The following TAFA5 variants were observed in gnomAD, a reference collection of about 807,000 sequenced individuals.
The protein encoded by TAFA5 is TAFA chemokine like family member 5, also known as chemokine-like protein TAFA-5.
Under a neutral mutation model 15.3 loss-of-function variants are expected in TAFA5, and 6 were observed. The observed-to-expected ratio is 0.39, with a 90% CI of 0.21 to 0.77. TAFA5 has a LOEUF of 0.77. Among genes scored for constraint, TAFA5 ranks in the 30% least tolerant of loss-of-function variants. The pLI, the probability that TAFA5 is intolerant of heterozygous loss-of-function variation, is 0.41. For missense variants in TAFA5, 161 were observed against 193.1 expected (o/e 0.83, Z 0.98); for synonymous variants, 103 against 80.7 (o/e 1.28, Z -1.48).
At chr22:48,581,687 A>C (rs544257648) in intron 1 of TAFA5, among the ~76,000 whole-genome samples, 1 of 152,306 alleles carries the variant, frequency 6.6e-6, no homozygotes, top group African/African-American at 2.4e-5. Context: ...ATGTGTGTGC[A>C]TATGTGTGTG....
intron 3 of TAFA5, among the ~76,000 whole-genome samples, chr22:48,724,843 C>T (rs977330112): frequency 2.0e-5 from 3 of 152,234 alleles, no homozygotes; most frequent in African/African-American, 4.8e-5. Context: ...ATCCCCTGCT[C>T]GGTCCTGCAG....
At chr22:48,663,431 G>C (rs1471777882) in intron 2 of TAFA5, among the ~76,000 whole-genome samples, 1 of 152,122 alleles carries the variant, frequency 6.6e-6, no homozygotes, top group East Asian at 1.9e-4. Flanking sequence ...GTAGGCAAAG[G>C]GCAAAGTGCA....
intron 1 of TAFA5, among the ~76,000 whole-genome samples, chr22:48,579,796 T>TGGGCCACCCAGGC (rs1923964771): frequency 6.6e-6 from 1 of 152,198 alleles, no homozygotes; most frequent in South Asian, 2.1e-4. Flanking sequence ...GCGGCAAGCC[T>TGGGCCACCCAGGC]GGGCCACCCA....
At chr22:48,748,727 T>C (rs1569104573) in intron 3 of TAFA5, among the ~76,000 whole-genome samples, 3 of 152,118 alleles carry the variant, frequency 2.0e-5, no homozygotes, top group Non-Finnish European at 2.9e-5. Flanking sequence ...GCCAGGGTGC[T>C]GGAGATGACC....
chr22:48,665,815 G>A (rs914266798), intron 2 of TAFA5, among the ~76,000 whole-genome samples: 1 of 152,126 alleles, frequency 6.6e-6, no homozygotes, highest in African/African-American at 2.4e-5. Context: ...CTAGCGGCAG[G>A]CGCCCTCCCG....
intron 3 of TAFA5, among the ~76,000 whole-genome samples, chr22:48,732,754 C>T (rs1929904264): frequency 6.6e-6 from 1 of 152,196 alleles, no homozygotes; most frequent in African/African-American, 2.4e-5. Context: ...ACAGAGAACT[C>T]TTTCATGAAA....
chr22:48,634,147 T>C (rs372818537), intron 1 of TAFA5, among the ~76,000 whole-genome samples: 3 of 114,106 alleles, frequency 2.6e-5, no homozygotes, highest in African/African-American at 1.0e-4. Flanking sequence ...CTCACTCATT[T>C]ATTCACTCAC....
At position 48,489,570 on chromosome 22, in the gene TAFA5, C is replaced by T. The variant is rs1928062723; in HGVS notation, c.-23C>T. 3 of 1,396,194 alleles carry T rather than the reference C, an allele frequency of 2.1e-6. No homozygotes were observed. The African/African-American group carries it at 4.6e-5, about 21-fold the overall frequency. The allele number at this position is 1,396,194 out of a possible 1,614,324, so 86.5% of individuals were successfully genotyped here. A position where few individuals can be genotyped will look rare whatever the true frequency, so the allele number is the denominator to read the frequency against. ...CGGCTGCTGAGACGCGCTGCTGCCC[C>T]CCGCGCGGGCGCCGCGGCTTCAATG... On this transcript the variant is annotated 5_prime_UTR_variant, in exon 1 of 4. Coordinates refer to ENST00000402357, the MANE Select transcript of TAFA5 (RefSeq NM_001082967.3). This position sits in a 1 kb window ranked among gnomAD's most constrained non-coding sequence, Gnocchi z 5.5.
chr22:48,663,692 A>G (rs1442726121), intron 2 of TAFA5, among the ~76,000 whole-genome samples: 1 of 152,174 alleles, frequency 6.6e-6, no homozygotes, highest in African/African-American at 2.4e-5. Flanking sequence ...CATGACAAAA[A>G]TTTTGCGCCA....
chr22:48,658,248 G>A (rs1307041951), intron 2 of TAFA5, among the ~76,000 whole-genome samples: 1 of 142,832 alleles, frequency 7.0e-6, no homozygotes, highest in Non-Finnish European at 1.5e-5. Flanking sequence ...GGGTGGGTGG[G>A]GGAGCAGCGA....
chr22:48,680,837 C>A (rs1928160248), intron 2 of TAFA5, among the ~76,000 whole-genome samples: 1 of 152,254 alleles, frequency 6.6e-6, no homozygotes, highest in Non-Finnish European at 1.5e-5. Context: ...CACTGTGCCA[C>A]CGTCCAGTGC....
chr22:48,650,503 T>G (rs1362788332), intron 2 of TAFA5, among the ~76,000 whole-genome samples: 1 of 152,068 alleles, frequency 6.6e-6, no homozygotes, highest in Admixed American at 6.6e-5. Flanking sequence ...GATGCATCCA[T>G]GAGGGGGCAT....
chr22:48,656,456 A>G (rs1180839022), intron 2 of TAFA5, among the ~76,000 whole-genome samples: 2 of 151,804 alleles, frequency 1.3e-5, no homozygotes, highest in Admixed American at 6.6e-5. Context: ...CAGTGAGCCG[A>G]GATCGCGTCA....
At chr22:48,582,956 CACACCACACACCACACACAAAAT>C (rs1924137125) in intron 1 of TAFA5, among the ~76,000 whole-genome samples, 2 of 48,980 alleles carry the variant, frequency 4.1e-5, no homozygotes, top group South Asian at 6.7e-4. Context: ...ATGCCACACA[CACACCACACACCACACACAAAAT>C]ACACCACACA....
chr22:48,735,319 A>T (rs1410499900), intron 3 of TAFA5, among the ~76,000 whole-genome samples: 1 of 152,208 alleles, frequency 6.6e-6, no homozygotes, highest in South Asian at 2.1e-4. Flanking sequence ...GACAGATCAC[A>T]GCGTGGGGAG....
At chr22:48,687,075 G>GTGGA (rs1187627927) in intron 2 of TAFA5, among the ~76,000 whole-genome samples, 26 of 149,042 alleles carry the variant, frequency 1.7e-4, no homozygotes, top group South Asian at 4.4e-4. Flanking sequence ...TGATGAATGG[G>GTGGA]TGGATGGATG....
At chr22:48,557,832 C>T (rs548946873) in intron 1 of TAFA5, among the ~76,000 whole-genome samples, 12 of 152,332 alleles carry the variant, frequency 7.9e-5, no homozygotes, top group Non-Finnish European at 1.5e-4. Context: ...GGTCAGCTCC[C>T]CTAGAATCCA....
chr22:48,668,948 C>T (rs1601657886), intron 2 of TAFA5, among the ~76,000 whole-genome samples: 1 of 152,196 alleles, frequency 6.6e-6, no homozygotes, highest in Non-Finnish European at 1.5e-5. Context: ...CCAGTGCTGG[C>T]GACCTCCCCA....
intron 1 of TAFA5, among the ~76,000 whole-genome samples, chr22:48,572,710 T>G (rs907329858): frequency 3.3e-5 from 5 of 152,224 alleles, no homozygotes; most frequent in Admixed American, 6.5e-5. Flanking sequence ...TATATCCACA[T>G]GCAGTTAGCA....
Sources: gnomAD v4.1 joint callset for allele counts (sites outside exome capture counted in the v4.1 genomes callset) on GRCh38, gnomAD v4.1.1 for gene constraint, Gnocchi (gnomAD v3.1) non-coding constraint, MANE v1.5 for transcripts, NCBI Gene and HGNC (gene_info 2026-07-23, HGNC 2026-07-21) for gene names.